Variants in RNF121 observed in about 807,000 individuals in gnomAD.
The protein encoded by RNF121 is ring finger protein 121.
In RNF121, 21 loss-of-function variants were observed where a neutral mutation model predicts 46.5. That is an observed-to-expected ratio of 0.45 (90% CI 0.32 to 0.65). The LOEUF (loss-of-function observed/expected upper bound fraction) is 0.65. RNF121 is among the 30% of genes least tolerant of loss of function. RNF121 has a pLI of 0.04. For missense variants in RNF121, 346 were observed against 416.0 expected (o/e 0.83, Z 1.46); for synonymous variants, 139 against 144.7 (o/e 0.96, Z 0.28).
At chr11:71,973,432 A>G (rs1449821957) in intron 3 of RNF121, among the ~76,000 whole-genome samples, 1 of 151,984 alleles carries the variant, frequency 6.6e-6, no homozygotes, top group Non-Finnish European at 1.5e-5. Context: ...TTGAGGCTGC[A>G]GTGGGCTGTG....
Position 71,987,005 on chromosome 11 carries a change from T to C in RNF121, c.400T>C (p.Leu134=), listed in dbSNP as rs1011793762. Residue 134 remains leucine (L), a splice_region_variant and synonymous_variant, in exon 5 of 9, where the codon TTG becomes CTG. Coordinates refer to ENST00000361756, the MANE Select transcript of RNF121 (RefSeq NM_018320.5). ...ACTAACCTTCTCTCCTTTCCCCAGG[T>C]TGGTTTATAAGTGGTTCCTGCTAAT... ...RKPLVQTTPR[L]VYKWFLLIYK... 5.0e-6 allele frequency: 8 copies of C among 1,590,398 alleles called. No individual in the cohort carries two copies. In the Admixed American group the frequency reaches 1.2e-4, roughly 23 times the overall value.
At chr11:71,971,605 C>A (rs1474837028) in intron 3 of RNF121, among the ~76,000 whole-genome samples, 6 of 151,722 alleles carry the variant, frequency 4.0e-5, no homozygotes, top group African/African-American at 1.2e-4. Flanking sequence ...ACAGCAACTC[C>A]AATAGAAAAA....
chr11:71,990,792 G>C, intron 6 of RNF121, 75 bp downstream of exon 6: 1 of 1,552,144 alleles, frequency 6.4e-7, no homozygotes, highest in Non-Finnish European at 8.8e-7. Flanking sequence ...CTTGTTTAAT[G>C]GAAGAGAAAG....
Position 71,963,618 on chromosome 11 carries a change from C to CA in RNF121, c.243+2737dup, listed in dbSNP as rs1045391002. On this transcript the variant is annotated intron_variant, in intron 3 of 8. Coordinates refer to ENST00000361756, the MANE Select transcript of RNF121 (RefSeq NM_018320.5). ...CTGATAACAGAGCAAGACTCCTTCC[C>CA]AAAAAAAAAAGAGTTTTATAGTCTT... 3.5e-3 allele frequency among the ~76,000 whole-genome samples: 505 copies of CA among 145,028 alleles called. 1 individual carries two copies. In the Middle Eastern group the frequency reaches 0.038, roughly 11 times the overall value.
intron 2 of RNF121, among the ~76,000 whole-genome samples, chr11:71,958,864 C>G (rs906459236): frequency 6.6e-6 from 1 of 152,206 alleles, no homozygotes; most frequent in Non-Finnish European, 1.5e-5. Context: ...TGGATGACTT[C>G]TCTGGTCTTT....
chr11:71,944,175 T>C (rs563559034), intron 1 of RNF121, among the ~76,000 whole-genome samples: 4 of 152,000 alleles, frequency 2.6e-5, no homozygotes, highest in African/African-American at 7.2e-5. Context: ...CTACTAAAAA[T>C]ACAAAAAATT....
At chr11:71,959,529 CAA>C (rs930522429) in intron 2 of RNF121, among the ~76,000 whole-genome samples, 4 of 152,068 alleles carry the variant, frequency 2.6e-5, no homozygotes, top group African/African-American at 9.7e-5. Context: ...GCTTATGACT[CAA>C]GTTACATTTG....
chr11:71,981,890 C>T (rs1347522641), intron 3 of RNF121, among the ~76,000 whole-genome samples: 2 of 152,132 alleles, frequency 1.3e-5, no homozygotes, highest in Non-Finnish European at 2.9e-5. Flanking sequence ...TGAATTCAAG[C>T]CCAGCCGCAT....
chr11:71,988,652 A>AAAAGAAAG (rs1554991902), intron 5 of RNF121, among the ~76,000 whole-genome samples: 2 of 150,238 alleles, frequency 1.3e-5, no homozygotes, highest in African/African-American at 4.9e-5. Context: ...AAAAAAAAAA[A>AAAAGAAAG]AAAGAAAGAA....
rs552297451 is a variant in RNF121, at chr11:71,968,892, T to C, written c.243+8001T>C. Reference sequence around the variant, plus strand: ...ATTTTTCTTTTTTCTTTCTTTCTTTTTTTTTTTTTTTGAGTCAGGCTCTTG... The same window carrying C: ...ATTTTTCTTTTTTCTTTCTTTCTTTCTTTTTTTTTTTGAGTCAGGCTCTTG... On this transcript the variant is annotated intron_variant, in intron 3 of 8. Transcript: ENST00000361756. Among the ~76,000 whole-genome samples the C allele has an allele frequency of 1.6e-3, 245 of 149,588 alleles. 3 individuals carry two copies. The highest frequency in any genetic ancestry group is 4.8e-4 in the Non-Finnish European group (32 of 67,270).
chr11:71,937,213 T>A (rs755367164), intron 1 of RNF121, among the ~76,000 whole-genome samples: 1 of 152,228 alleles, frequency 6.6e-6, no homozygotes, highest in Non-Finnish European at 1.5e-5. Context: ...AGGGAACTCC[T>A]TGAGGGGACT....
At chr11:71,957,320 A>G in intron 2 of RNF121, 56 bp downstream of exon 2, 1 of 1,082,324 alleles carries the variant, frequency 9.2e-7, no homozygotes, top group Non-Finnish European at 1.4e-6. Flanking sequence ...ACCCAGCTTA[A>G]TTGAGTGATA....
rs1404774931 is a variant in RNF121 at position 71,934,615 on chromosome 11, A to G, written c.63+5491A>G. On this transcript the variant is annotated intron_variant, in intron 1 of 8. Transcript: ENST00000361756. ...CTCTAGAGATTTTTGGTCCAAGCCA[A>G]TATCTTACTGAGGGATCAAGGCATA... 3.3e-5 allele frequency among the ~76,000 whole-genome samples: 5 copies of G among 152,180 alleles called. No individual in the cohort carries two copies. The South Asian group carries it at 6.2e-4, about 19-fold the overall frequency.
chr11:71,946,867 C>CTTTTTTTTTTTTTTTT (rs34778760), intron 1 of RNF121, among the ~76,000 whole-genome samples: 1 of 98,408 alleles, frequency 1.0e-5, no homozygotes, highest in Non-Finnish European at 1.8e-5. Flanking sequence ...TGCTCTGGCT[C>CTTTTTTTTTTTTTTTT]TTTTTTTTTT....
intron 4 of RNF121, among the ~76,000 whole-genome samples, chr11:71,986,295 C>G (rs899481310): frequency 2.6e-5 from 4 of 152,212 alleles, no homozygotes; most frequent in African/African-American, 9.6e-5. Flanking sequence ...TGATTCATCT[C>G]TTGAATTCTG....
At chr11:71,980,333 T>C (rs992443214) in intron 3 of RNF121, among the ~76,000 whole-genome samples, 7 of 126,826 alleles carry the variant, frequency 5.5e-5, no homozygotes, top group African/African-American at 2.2e-4. Flanking sequence ...CTGTTTCTTT[T>C]TTCCTGTAAA....
chr11:71,943,775 T>G (rs1211572002), intron 1 of RNF121, among the ~76,000 whole-genome samples: 1 of 152,094 alleles, frequency 6.6e-6, no homozygotes, highest in African/African-American at 2.4e-5. Context: ...GACTAGAAAT[T>G]AACCAGCTAA....
At chr11:71,950,065 A>AC (rs1953834190) in intron 1 of RNF121, among the ~76,000 whole-genome samples, 1 of 152,052 alleles carries the variant, frequency 6.6e-6, no homozygotes, top group Admixed American at 6.6e-5. Context: ...AAACAAACAA[A>AC]AAATATAAAA....
intron 1 of RNF121, among the ~76,000 whole-genome samples, chr11:71,932,579 C>T (rs1348625416): frequency 6.6e-6 from 1 of 152,180 alleles, no homozygotes; most frequent in Non-Finnish European, 1.5e-5. Flanking sequence ...TTGAATCTCA[C>T]ATTTGTGAGG....
Sources: gnomAD v4.1 joint callset for allele counts (sites outside exome capture counted in the v4.1 genomes callset) on GRCh38, gnomAD v4.1.1 for gene constraint, MANE v1.5 for transcripts, NCBI Gene and HGNC (gene_info 2026-07-23, HGNC 2026-07-21) for gene names.